Variants in ASCC3 observed in about 807,000 individuals in gnomAD.
The protein encoded by ASCC3 is ASC-1 complex subunit P200.
ASCC3 carries 158 observed loss-of-function variants against 256.3 expected under a neutral mutation model. The ratio of observed to expected loss-of-function variants is 0.62; its 90% CI spans 0.54 to 0.70. ASCC3 has a LOEUF of 0.70. ASCC3 is among the 30% of genes least tolerant of loss of function. ASCC3 has a pLI of 0.00. For missense variants in ASCC3, 2,259 were observed against 2,626.0 expected (o/e 0.86, Z 3.05); for synonymous variants, 948 against 883.4 (o/e 1.07, Z -1.30).
rs576693481 is a variant in ASCC3, at chr6:100,662,209, A to T, written c.2478+136T>A. 105 of 1,143,350 alleles carry T rather than the reference A, an allele frequency of 9.2e-5. 1 individual carries two copies. The African/African-American group carries it at 1.5e-3, about 17-fold the overall frequency. The allele number at this position is 1,143,350 out of a possible 1,614,324, so 70.8% of individuals were successfully genotyped here. ...ATAAACTAGATTCTTATTGGAGAAA[A>T]TAATTCTGACCTTTTATAAATAACA... On this transcript the variant is annotated intron_variant, in intron 15 of 41. Transcript: ENST00000369162.
At chr6:100,575,368 CAA>C (rs1770803647) in intron 36 of ASCC3, among the ~76,000 whole-genome samples, 2 of 151,950 alleles carry the variant, frequency 1.3e-5, no homozygotes, top group African/African-American at 4.8e-5. Context: ...ATTTTTCCTA[CAA>C]AACAATTTAT....
chr6:100,634,051 G>A (rs1774701232), intron 25 of ASCC3, among the ~76,000 whole-genome samples: 1 of 152,030 alleles, frequency 6.6e-6, no homozygotes, highest in Non-Finnish European at 1.5e-5. Flanking sequence ...CTTTTCTTAA[G>A]TACATATTTA....
At chr6:100,826,502 C>A (rs1043711758) in intron 4 of ASCC3, among the ~76,000 whole-genome samples, 1 of 152,158 alleles carries the variant, frequency 6.6e-6, no homozygotes, top group Non-Finnish European at 1.5e-5. Flanking sequence ...ACTGTTTCCT[C>A]ATTTTAGTCT....
intron 30 of ASCC3, among the ~76,000 whole-genome samples, chr6:100,622,242 A>C (rs1773986932): frequency 6.6e-6 from 1 of 151,918 alleles, no homozygotes; most frequent in African/African-American, 2.4e-5. Flanking sequence ...CGTTAACTGT[A>C]ATCCCCATAA....
chr6:100,752,302 A>C (rs142131572), intron 10 of ASCC3, among the ~76,000 whole-genome samples: 4 of 152,232 alleles, frequency 2.6e-5, no homozygotes, highest in Admixed American at 6.5e-5. Context: ...TCATTTATGA[A>C]ACAGGAGGGC....
chr6:100,747,136 C>CAA (rs34268050), intron 10 of ASCC3, among the ~76,000 whole-genome samples: 246 of 140,104 alleles, frequency 1.8e-3, no homozygotes, highest in African/African-American at 2.9e-3. Flanking sequence ...CATATAGTTG[C>CAA]AAAAAAAAAA....
In ASCC3 at chr6:100,826,131, G is replaced by A. The variant is rs189105525; in HGVS notation, c.802-20251C>T. Reference sequence around the variant, plus strand: ...TTTTAGGCTAAGTCTCCCACAAACTGTACTTTTTTTTTCATTTTTTGAGAC... The same window carrying A: ...TTTTAGGCTAAGTCTCCCACAAACTATACTTTTTTTTTCATTTTTTGAGAC... On this transcript the variant is annotated intron_variant, in intron 4 of 41. Transcript: ENST00000369162. Among the ~76,000 whole-genome samples, 223 of 151,584 alleles carry A rather than the reference G, an allele frequency of 1.5e-3. 1 individual carries two copies. Among genetic ancestry groups the A allele is most frequent in the African/African-American group, 5.2e-3 (217 of 41,380 alleles).
At chr6:100,877,808 G>A (rs1769058243) in intron 1 of ASCC3, among the ~76,000 whole-genome samples, 1 of 152,162 alleles carries the variant, frequency 6.6e-6, no homozygotes, top group Admixed American at 6.5e-5. Flanking sequence ...TGCTCTTTTA[G>A]TCTGTTTCAA....
At chr6:100,557,194 C>G (rs116078901) in intron 36 of ASCC3, among the ~76,000 whole-genome samples, 1 of 151,982 alleles carries the variant, frequency 6.6e-6, no homozygotes, top group Non-Finnish European at 1.5e-5. Context: ...TTACATGCTC[C>G]GTTGTGATTG....
intron 4 of ASCC3, among the ~76,000 whole-genome samples, chr6:100,808,201 G>A (rs999123940): frequency 7.9e-5 from 12 of 151,642 alleles, no homozygotes; most frequent in South Asian, 2.1e-4. Flanking sequence ...AATCAAATGC[G>A]TCAACATTCA....
intron 30 of ASCC3, 34 bp downstream of exon 30, chr6:100,625,158 G>T: frequency 6.2e-7 from 1 of 1,608,494 alleles, no homozygotes; most frequent in Non-Finnish European, 8.5e-7. Context: ...AACCTGAAAC[G>T]TGTAAGTAGT....
intron 10 of ASCC3, among the ~76,000 whole-genome samples, chr6:100,739,335 G>T (rs527587108): frequency 1.3e-5 from 2 of 152,214 alleles, no homozygotes; most frequent in African/African-American, 4.8e-5. Flanking sequence ...TGCTGGATTT[G>T]GTTTGCCAGT....
At chr6:100,875,163 G>C (rs928924726) in intron 1 of ASCC3, among the ~76,000 whole-genome samples, 2 of 129,466 alleles carry the variant, frequency 1.5e-5, no homozygotes, top group African/African-American at 5.0e-5. Context: ...AGACAGAGAG[G>C]ATAGAATTAA....
At chr6:100,871,436 C>A (rs1773738428) in intron 1 of ASCC3, among the ~76,000 whole-genome samples, 1 of 151,914 alleles carries the variant, frequency 6.6e-6, no homozygotes, top group African/African-American at 2.4e-5. Flanking sequence ...TTGTCTCAAG[C>A]CAATAATGGC....
Position 100,647,466 on chromosome 6 carries a change from G to A in ASCC3, c.3253-15C>T, listed in dbSNP as rs1417377673. On this transcript the variant is annotated splice_polypyrimidine_tract_variant and intron_variant, in intron 20 of 41. Coordinates refer to ENST00000369162, the MANE Select transcript of ASCC3 (RefSeq NM_006828.4). Reference sequence around the variant, plus strand: ...CTAGCTGCATTCTAAAAAATTATAGGAGGAGATTGGTGGTTATACCCAATG... The same window carrying A: ...CTAGCTGCATTCTAAAAAATTATAGAAGGAGATTGGTGGTTATACCCAATG... The A allele has an allele frequency of 1.2e-6, 2 of 1,600,756 alleles. No individual in the cohort carries two copies. The highest frequency in any genetic ancestry group is 8.6e-7 in the Non-Finnish European group (1 of 1,168,190).
At chr6:100,860,108 A>G (rs1773149672) in intron 3 of ASCC3, among the ~76,000 whole-genome samples, 1 of 152,044 alleles carries the variant, frequency 6.6e-6, no homozygotes, top group Admixed American at 6.6e-5. Context: ...TAACAGATAT[A>G]TGCCTAATAC....
chr6:100,796,921 C>G (rs764824724), intron 8 of ASCC3, among the ~76,000 whole-genome samples: 3 of 151,978 alleles, frequency 2.0e-5, no homozygotes, highest in Admixed American at 6.6e-5. Flanking sequence ...AATAATGATG[C>G]CCCCCAAAAA....
chr6:100,667,790 T>C (rs1219679514), intron 14 of ASCC3, among the ~76,000 whole-genome samples: 1 of 152,066 alleles, frequency 6.6e-6, no homozygotes, highest in Non-Finnish European at 1.5e-5. Context: ...GAGTAAATTA[T>C]GTTTTGCGCA....
chr6:100,583,721 A>T (rs1771457822), intron 36 of ASCC3, among the ~76,000 whole-genome samples: 1 of 152,004 alleles, frequency 6.6e-6, no homozygotes, highest in Admixed American at 6.5e-5. Flanking sequence ...TCTTATGGGC[A>T]TTTAGTGCTA....
Sources: gnomAD v4.1 joint callset for allele counts (sites outside exome capture counted in the v4.1 genomes callset) on GRCh38, gnomAD v4.1.1 for gene constraint, MANE v1.5 for transcripts, NCBI Gene and HGNC (gene_info 2026-07-23, HGNC 2026-07-21) for gene names.